The following TYMS variants were observed in gnomAD, a reference collection of about 807,000 sequenced individuals.
The protein encoded by TYMS is thymidylate synthetase.
Under a neutral mutation model 39.3 loss-of-function variants are expected in TYMS, and 21 were observed. The observed-to-expected ratio is 0.54, with a 90% CI of 0.38 to 0.77. TYMS has a LOEUF of 0.77. Among genes scored for constraint, TYMS ranks in the 30% least tolerant of loss-of-function variants. TYMS has a pLI of 0.00. For synonymous variants in TYMS, 171 were observed against 162.2 expected, an observed-to-expected ratio of 1.05 and a Z score of -0.41; for missense variants, 273 against 406.7, an observed-to-expected ratio of 0.67 and a Z score of 2.83.
chr18:662,004 T>C, intron 2 of TYMS, 142 bp from the exon 3 acceptor site: 1 of 804,742 alleles, frequency 1.2e-6, no homozygotes, highest in Non-Finnish European at 1.9e-6. Context: ...AAAGGATGGG[T>C]TCCATATGGG....
intron 3 of TYMS, among the ~76,000 whole-genome samples, chr18:664,791 T>C (rs2144279998): frequency 1.3e-5 from 2 of 150,394 alleles, no homozygotes; most frequent in South Asian, 4.3e-4. Context: ...GGTTTTTGTC[T>C]TTGGATCTGT....
intron 6 of TYMS, chr18:671,928 T>TGA: frequency 6.0e-6 from 1 of 167,058 alleles, no homozygotes; most frequent in Non-Finnish European, 1.3e-5. Context: ...TACAGGCACA[T>TGA]GCCACCACAC....
rs575414330 is a variant in TYMS at position 658,589 on chromosome 18, G to C, written c.205+642G>C. Reference sequence around the variant, plus strand: ...TTCCTTTCCGACAGGAGCACCCCAGGCAAAAAATGTCTCGCGGGTCATTGG... The same window carrying C: ...TTCCTTTCCGACAGGAGCACCCCAGCCAAAAAATGTCTCGCGGGTCATTGG... On this transcript the variant is annotated intron_variant, in intron 1 of 6. Transcript: ENST00000323274. The surrounding 1 kb of genome is among the most constrained non-coding windows in gnomAD (Gnocchi z 4.5). 0.012 allele frequency: 2,719 copies of C among 224,990 alleles called. 92 individuals are homozygous for C. Among genetic ancestry groups the C allele is most frequent in the African/African-American group, 0.065 (2,583 of 39,586 alleles). The allele number at this position is 224,990 out of a possible 1,614,324, so 13.9% of individuals were successfully genotyped here. A position where few individuals can be genotyped will look rare whatever the true frequency, so the allele number is the denominator to read the frequency against.
At position 660,828 on chromosome 18, in the gene TYMS, C is replaced by T. The variant is rs549542799; in HGVS notation, c.279+1114C>T. On this transcript the variant is annotated intron_variant, in intron 2 of 6. Transcript: ENST00000323274. The surrounding 1 kb of genome is among the most constrained non-coding windows in gnomAD (Gnocchi z 4.6). ...GCTCAGGTCTGGGCCATACTAGAAG[C>T]TGGGATCCCTTCTATAGAGCACTTG... Among the ~76,000 whole-genome samples, 85 of 152,198 alleles carry T rather than the reference C, an allele frequency of 5.6e-4. No individual in the cohort carries two copies. The highest frequency in any genetic ancestry group is 9.4e-4 in the Non-Finnish European group (64 of 68,030).
intron 4 of TYMS, 179 bp downstream of exon 4, chr18:669,352 G>A (rs1191183102): frequency 2.0e-6 from 1 of 497,854 alleles, no homozygotes; most frequent in Non-Finnish European, 3.6e-6. Context: ...AGATCATGAG[G>A]TTGGGCCCAG....
chr18:667,205 ATGGT>A, intron 3 of TYMS, among the ~76,000 whole-genome samples: 1 of 79,410 alleles, frequency 1.3e-5, no homozygotes, highest in Non-Finnish European at 2.2e-5. Flanking sequence ...GGTGATGGTG[ATGGT>A]GATGGAGATG....
At chr18:671,486 CCTTCT>C in intron 6 of TYMS, 35 bp downstream of exon 6, 1 of 1,372,452 alleles carries the variant, frequency 7.3e-7, no homozygotes, top group South Asian at 1.2e-5. Context: ...GGGTTTGGTA[CCTTCT>C]CTTGATAAAA....
At chr18:661,944 C>T (rs1001036973) in intron 2 of TYMS, among the ~76,000 whole-genome samples, 2 of 152,210 alleles carry the variant, frequency 1.3e-5, no homozygotes, top group Admixed American at 1.3e-4. Flanking sequence ...ACGATCGCGC[C>T]ATTGCACTCC....
rs1475132959 is a variant in TYMS at position 657,776 on chromosome 18, C to G, written c.34C>G (p.Pro12Ala). The change falls in exon 1 of 7, where the codon CCC (proline) becomes GCC (alanine). Residue 12 changes from proline (P) to alanine (A), a missense_variant. By Grantham distance (27) the Pro-to-Ala change is conservative. This residue lies in a region of TYMS where 228 missense variants were observed against 326.1 expected (regional missense o/e 0.70). Coordinates refer to ENST00000323274, the MANE Select transcript of TYMS (RefSeq NM_001071.4). ...GGCCGGCTCGGAGCTGCCGCGCCGG[C>G]CCTTGCCCCCCGCCGCACAGGAGCG... Reference protein sequence around the residue: ...PVAGSELPRRPLPPAAQERDA... With the variant: ...PVAGSELPRRALPPAAQERDA... 6.9e-7 allele frequency: 1 copy of G among 1,446,890 alleles called. No homozygotes were observed. The highest frequency in any genetic ancestry group is 1.4e-5 in the South Asian group (1 of 70,044). The allele number at this position is 1,446,890 out of a possible 1,614,324, so 89.6% of individuals were successfully genotyped here. A position where few individuals can be genotyped will look rare whatever the true frequency, so the allele number is the denominator to read the frequency against.
Position 658,141 on chromosome 18 carries a change from G to GC in TYMS, c.205+195dup, listed in dbSNP as rs1567985700. On this transcript the variant is annotated intron_variant, in intron 1 of 6. Coordinates refer to ENST00000323274, the MANE Select transcript of TYMS (RefSeq NM_001071.4). This position sits in a 1 kb window ranked among gnomAD's most constrained non-coding sequence, Gnocchi z 4.5. ...CCCATTAGGGACGTGACTGGCGCGG[G>GC]CAACACACACAGCAGCGACAGCCGG... 6.3e-7 allele frequency: 1 copy of GC among 1,585,844 alleles called. No homozygotes were observed. Among genetic ancestry groups the GC allele is most frequent in the African/African-American group, 1.3e-5 (1 of 74,422 alleles).
intron 3 of TYMS, among the ~76,000 whole-genome samples, chr18:665,269 T>G (rs976363068): frequency 1.3e-5 from 2 of 151,092 alleles, no homozygotes; most frequent in East Asian, 2.0e-4. Flanking sequence ...GTCAAGGAAT[T>G]TATCCATTTC....
rs1416155914 is a variant in TYMS at position 657,912 on chromosome 18, C to A, written c.170C>A (p.Ser57Ter). 1 of 1,510,340 alleles carries A rather than the reference C, an allele frequency of 6.6e-7. No homozygotes were observed. Among genetic ancestry groups the A allele is most frequent in the Non-Finnish European group, 8.8e-7 (1 of 1,135,642 alleles). 93.6% of individuals were successfully genotyped at this position (1,510,340 alleles called of 1,614,324 possible). A position where few individuals can be genotyped will look rare whatever the true frequency, so the allele number is the denominator to read the frequency against. Residue 57 changes from serine to a stop codon, truncating the protein, a stop_gained, in exon 1 of 7, where the codon TCG becomes TAG. Transcript: ENST00000323274. LOFTEE classifies it high-confidence loss of function. ...KDDRTGTGTLSVFGMQARYSL... is the reference protein window; with the variant it reads ...KDDRTGTGTL ...GACCGCACGGGCACCGGCACCCTGTCGGTATTCGGCATGCAGGCGCGCTAC... is the reference window on the plus strand; with the variant it reads ...GACCGCACGGGCACCGGCACCCTGTAGGTATTCGGCATGCAGGCGCGCTAC...
At position 658,066 on chromosome 18, in the gene TYMS, G is replaced by A. The variant is rs368711614; in HGVS notation, c.205+119G>A. On this transcript the variant is annotated intron_variant, in intron 1 of 6. Coordinates refer to ENST00000323274, the MANE Select transcript of TYMS (RefSeq NM_001071.4). This position sits in a 1 kb window ranked among gnomAD's most constrained non-coding sequence, Gnocchi z 4.5. ...TTTAGTCCTAACCTCAATCCTGCGA[G>A]GGAGGGGACGCATCGTCCTCCTCGC... 2.5e-6 allele frequency: 4 copies of A among 1,573,490 alleles called. No individual in the cohort carries two copies. The African/African-American group carries it at 4.1e-5, about 16-fold the overall frequency.
At chr18:668,109 G>C (rs571377) in intron 3 of TYMS, among the ~76,000 whole-genome samples, 69 of 150,314 alleles carry the variant, frequency 4.6e-4, no homozygotes, top group Non-Finnish European at 7.4e-4. Flanking sequence ...GCATTCCTCA[G>C]AGTTGTCAGA....
At chr18:667,233 A>T (rs200932742) in intron 3 of TYMS, among the ~76,000 whole-genome samples, 748 of 12,708 alleles carry the variant, frequency 0.059, 7 homozygotes, top group East Asian at 0.16. Context: ...ATGGTGATGG[A>T]GATGGAGATG....
At chr18:661,025 C>T (rs187367088) in intron 2 of TYMS, among the ~76,000 whole-genome samples, 2 of 152,184 alleles carry the variant, frequency 1.3e-5, no homozygotes, top group Admixed American at 1.3e-4. Context: ...TGAAACATAT[C>T]ATCAGAAACC....
intron 3 of TYMS, among the ~76,000 whole-genome samples, chr18:666,978 TGGA>T (rs1567989693): frequency 0.014 from 161 of 11,472 alleles, 5 homozygotes; most frequent in Non-Finnish European, 0.02. Flanking sequence ...GTGATGGAGA[TGGA>T]GATGGTGATG....
intron 1 of TYMS, among the ~76,000 whole-genome samples, chr18:659,205 G>A (rs1399523777): frequency 6.6e-6 from 1 of 152,132 alleles, no homozygotes; most frequent in Non-Finnish European, 1.5e-5. Flanking sequence ...GATGAACGAG[G>A]ACTGCATTTA....
chr18:671,105 T>C (rs2853740), intron 5 of TYMS: 215,912 of 621,860 alleles, frequency 0.35, 40,323 homozygotes, highest in East Asian at 0.66. Context: ...TTCTATGGAT[T>C]TTCTCAAAAG....
Sources: allele counts gnomAD v4.1 joint callset (sites outside exome capture counted in the v4.1 genomes callset), GRCh38; gene constraint gnomAD v4.1.1; regional missense constraint gnomAD v4.1.1; non-coding constraint Gnocchi (gnomAD v3.1); transcripts MANE v1.5; gene names NCBI Gene and HGNC (gene_info 2026-07-23, HGNC 2026-07-21).